Variants in SPINK1 observed in about 807,000 individuals in gnomAD.
SPINK1 encodes the protein serine peptidase inhibitor Kazal type 1.
Under a neutral mutation model 9.5 loss-of-function variants are expected in SPINK1, and 5 were observed. The ratio of observed to expected loss-of-function variants is 0.52; its 90% CI spans 0.27 to 1.10. The LOEUF is 1.10. Ranked by LOEUF, SPINK1 falls within the 50% of genes least tolerant of loss-of-function variation. The pLI, the probability that SPINK1 is intolerant of heterozygous loss-of-function variation, is 0.11. For synonymous variants in SPINK1, 37 were observed against 32.3 expected, an observed-to-expected ratio of 1.14 and a Z score of -0.49; for missense variants, 88 against 92.7, an observed-to-expected ratio of 0.95 and a Z score of 0.21.
At chr5:147,832,862 T>C (rs1279396968), upstream of SPINK1, among the ~76,000 whole-genome samples, 1 of 152,196 alleles carries the variant, frequency 6.6e-6, no homozygotes, top group Non-Finnish European at 1.5e-5. Flanking sequence ...ACTGTATTTA[T>C]CTCTTAAGAC....
chr5:147,831,463 C>A, intron 1 of SPINK1, 60 bp downstream of exon 1: 2 of 1,603,936 alleles, frequency 1.2e-6, no homozygotes, highest in South Asian at 1.1e-5. Flanking sequence ...AGATAATGTG[C>A]TTCACAAAGC....
intron 3 of SPINK1, 137 bp downstream of exon 3, chr5:147,827,885 G>A (rs1756437066): frequency 6.3e-6 from 4 of 633,822 alleles, no homozygotes; most frequent in Non-Finnish European, 1.1e-5. Context: ...ATATAAAAGG[G>A]AGAATAAGAA....
the SPINK1 span, among the ~76,000 whole-genome samples, chr5:147,837,766 A>G: frequency 1.3e-4 from 19 of 146,794 alleles, no homozygotes; most frequent in African/African-American, 4.8e-4. Context: ...CAGTGGCATG[A>G]TCTCAGCTTA....
chr5:147,825,823 A>G (rs1477628069), intron 3 of SPINK1, among the ~76,000 whole-genome samples: 1 of 152,226 alleles, frequency 6.6e-6, no homozygotes, highest in Non-Finnish European at 1.5e-5. Flanking sequence ...CAGTTAGCAT[A>G]CATAAGCACA....
chr5:147,836,740 C>T, the SPINK1 span, among the ~76,000 whole-genome samples: 3 of 152,286 alleles, frequency 2.0e-5, no homozygotes, highest in African/African-American at 4.8e-5. Flanking sequence ...GGTCATTTCC[C>T]GCCAAGCAGT....
chr5:147,827,904 C>A, intron 3 of SPINK1, 118 bp downstream of exon 3: 1 of 710,194 alleles, frequency 1.4e-6, no homozygotes. Context: ...AAAGAGATAA[C>A]TGTTTTTGGA....
chr5:147,837,301 G>A, the SPINK1 span, among the ~76,000 whole-genome samples: 1 of 152,164 alleles, frequency 6.6e-6, no homozygotes, highest in East Asian at 1.9e-4. Flanking sequence ...TGTCAAATGA[G>A]TTACAAAATG....
At chr5:147,829,572 A>G (rs1756472842) in intron 2 of SPINK1, 27 bp downstream of exon 2, 1 of 1,609,142 alleles carries the variant, frequency 6.2e-7, no homozygotes, top group Non-Finnish European at 8.5e-7. Flanking sequence ...CAGTCTGAGA[A>G]ATAAGAAATT....
intron 3 of SPINK1, 91 bp downstream of exon 3, chr5:147,827,931 C>T (rs1342694120): frequency 2.0e-6 from 2 of 979,674 alleles, no homozygotes; most frequent in Non-Finnish European, 3.1e-6. Flanking sequence ...AAATAGTTTG[C>T]TTTTCTCGGG....
intron 2 of SPINK1, 104 bp from the exon 3 acceptor site, chr5:147,828,232 G>T: frequency 2.3e-6 from 2 of 885,568 alleles, no homozygotes; most frequent in Non-Finnish European, 3.6e-6. Context: ...AACTGTGATT[G>T]GGAGAATGAT....
At chr5:147,829,371 AG>A (rs1379350090) in intron 2 of SPINK1, among the ~76,000 whole-genome samples, 1 of 152,198 alleles carries the variant, frequency 6.6e-6, no homozygotes, top group Non-Finnish European at 1.5e-5. Flanking sequence ...CTTCACAGCA[AG>A]CACTGTAGGA....
At chr5:147,838,222 C>T in the SPINK1 span, among the ~76,000 whole-genome samples, 1 of 152,136 alleles carries the variant, frequency 6.6e-6, no homozygotes, top group Non-Finnish European at 1.5e-5. Context: ...AGTTGAGAAA[C>T]GTGTTTACTG....
upstream of SPINK1, chr5:147,831,734 G>A (rs988809277): frequency 2.0e-6 from 3 of 1,484,712 alleles, no homozygotes; most frequent in Middle Eastern, 2.4e-4. Flanking sequence ...TTGACTCTGT[G>A]TCATAGCCTG....
At chr5:147,833,139 G>C (rs531585099), upstream of SPINK1, among the ~76,000 whole-genome samples, 1 of 152,252 alleles carries the variant, frequency 6.6e-6, no homozygotes, top group South Asian at 2.1e-4. Flanking sequence ...CCAAGGATGT[G>C]CATTCCAGAC....
At chr5:147,834,588 T>C (rs1756564221), upstream of SPINK1, among the ~76,000 whole-genome samples, 1 of 152,172 alleles carries the variant, frequency 6.6e-6, no homozygotes, top group Non-Finnish European at 1.5e-5. Context: ...GTAAGAAACT[T>C]CCAATAACCA....
upstream of SPINK1, among the ~76,000 whole-genome samples, chr5:147,834,276 A>C (rs1437182398): frequency 6.6e-6 from 1 of 152,188 alleles, no homozygotes; most frequent in Admixed American, 6.6e-5. Flanking sequence ...ATATTTCTGA[A>C]GACCAAGGTT....
chr5:147,837,103 C>T, the SPINK1 span, among the ~76,000 whole-genome samples: 1 of 152,098 alleles, frequency 6.6e-6, no homozygotes, highest in Non-Finnish European at 1.5e-5. Context: ...CCTCTAAATA[C>T]CCTCAGGCTG....
chr5:147,825,689 C>A (rs1756390128), intron 3 of SPINK1, among the ~76,000 whole-genome samples: 1 of 152,130 alleles, frequency 6.6e-6, no homozygotes, highest in East Asian at 1.9e-4. Context: ...GATCCACCTG[C>A]CTGGGACTTC....
At chr5:147,838,757 C>T in the SPINK1 span, among the ~76,000 whole-genome samples, 2 of 152,122 alleles carry the variant, frequency 1.3e-5, no homozygotes. Context: ...TTTTCCATGG[C>T]TCTTGATCTA....
Sources: gnomAD v4.1 joint callset for allele counts (sites outside exome capture counted in the v4.1 genomes callset) on GRCh38, gnomAD v4.1.1 for gene constraint, MANE v1.5 for transcripts, NCBI Gene and HGNC (gene_info 2026-07-23, HGNC 2026-07-21) for gene names.